Variants in FAT3 observed in about 807,000 individuals in gnomAD.
The protein encoded by FAT3 is FAT atypical cadherin 3, also known as protocadherin Fat 3.
In FAT3, 95 loss-of-function variants were observed where a neutral mutation model predicts 310.2. The observed-to-expected ratio is 0.31, with a 90% confidence interval of 0.26 to 0.36. The LOEUF (loss-of-function observed/expected upper bound fraction) is 0.36, where lower values mean the gene tolerates loss of function less well. Ranked by LOEUF, FAT3 falls within the 10% of genes least tolerant of loss-of-function variation. The pLI, the probability that FAT3 is intolerant of heterozygous loss-of-function variation, is 1.00. For missense variants in FAT3, 5,408 were observed against 5,715.6 expected, an observed-to-expected ratio of 0.95 and a Z score of 1.74; for synonymous variants, 2,314 against 2,192.9, an observed-to-expected ratio of 1.06 and a Z score of -1.54.
At chr11:92,550,871 A>C (rs746477694) in intron 3 of FAT3, among the ~76,000 whole-genome samples, 1 of 151,150 alleles carries the variant, frequency 6.6e-6, no homozygotes, top group Non-Finnish European at 1.5e-5. Flanking sequence ...TGGGTCTTTA[A>C]AGTGCTTAGC....
intron 2 of FAT3, among the ~76,000 whole-genome samples, chr11:92,393,276 G>T (rs893473031): frequency 3.3e-5 from 5 of 152,054 alleles, no homozygotes; most frequent in African/African-American, 1.2e-4. Flanking sequence ...ACTCATGTGT[G>T]TCTCTCTGGG....
At chr11:92,849,368 A>AT (rs1948760845) in intron 19 of FAT3, among the ~76,000 whole-genome samples, 1 of 152,204 alleles carries the variant, frequency 6.6e-6, no homozygotes, top group Admixed American at 6.5e-5. Flanking sequence ...CAGTACTGGG[A>AT]GCTCACAAGG....
chr11:92,687,866 C>T (rs973768863), intron 3 of FAT3, among the ~76,000 whole-genome samples: 3 of 151,916 alleles, frequency 2.0e-5, no homozygotes, highest in East Asian at 2.0e-4. Flanking sequence ...GGCAGGGCTT[C>T]CTGTCTTCCT....
At chr11:92,266,846 C>G (rs949971140) in intron 1 of FAT3, among the ~76,000 whole-genome samples, 1 of 152,142 alleles carries the variant, frequency 6.6e-6, no homozygotes, top group Non-Finnish European at 1.5e-5. Flanking sequence ...CTGATTTCAC[C>G]TGATGATCTT....
intron 1 of FAT3, among the ~76,000 whole-genome samples, chr11:92,231,465 CTTTCT>C (rs1338808812): frequency 2.6e-5 from 4 of 152,116 alleles, no homozygotes; most frequent in Admixed American, 6.6e-5. Context: ...TTAATTCTTT[CTTTCT>C]TTTCTTTTTT....
At chr11:92,782,982 G>C (rs1381892775) in intron 7 of FAT3, among the ~76,000 whole-genome samples, 6 of 152,194 alleles carry the variant, frequency 3.9e-5, no homozygotes, top group Non-Finnish European at 8.8e-5. Flanking sequence ...TGATTCACTA[G>C]AACAACAGAC....
intron 3 of FAT3, among the ~76,000 whole-genome samples, chr11:92,569,534 A>C (rs1266547402): frequency 1.3e-5 from 2 of 152,102 alleles, no homozygotes; most frequent in Non-Finnish European, 2.9e-5. Context: ...CAAAAACACT[A>C]TTGCCTCAGT....
intron 1 of FAT3, among the ~76,000 whole-genome samples, chr11:92,294,970 TA>T (rs1248929352): frequency 6.6e-6 from 1 of 152,110 alleles, no homozygotes; most frequent in African/African-American, 2.4e-5. Context: ...TTGCTTACTT[TA>T]TTCACTGGCC....
Position 92,886,992 on chromosome 11 carries a change from C to G in FAT3, c.12938-8C>G. ...TAATTTCTGCTTTCTCTTTCACTGT[C>G]CATGAAGACAAAGGGGTTGATGACC... On this transcript the variant is annotated splice_polypyrimidine_tract_variant and splice_region_variant and intron_variant, in intron 24 of 27. Coordinates refer to ENST00000525166, the MANE Select transcript of FAT3 (RefSeq NM_001367949.2). 3 of 1,590,642 alleles carry G rather than the reference C, an allele frequency of 1.9e-6. No individual in the cohort carries two copies. Among genetic ancestry groups the G allele is most frequent in the Non-Finnish European group, 2.6e-6 (3 of 1,167,376 alleles).
chr11:92,725,731 C>A (rs1944979616), intron 4 of FAT3, among the ~76,000 whole-genome samples: 3 of 152,234 alleles, frequency 2.0e-5, no homozygotes, highest in Admixed American at 6.5e-5. Flanking sequence ...ATACTAACAT[C>A]AGCTGATAAA....
chr11:92,232,362 A>G (rs1449453074), intron 1 of FAT3, among the ~76,000 whole-genome samples: 2 of 152,220 alleles, frequency 1.3e-5, no homozygotes, highest in South Asian at 2.1e-4. Context: ...CCTATCTGAT[A>G]GGACTGTAAA....
intron 4 of FAT3, among the ~76,000 whole-genome samples, chr11:92,746,633 C>T (rs976180631): frequency 1.3e-5 from 2 of 152,070 alleles, no homozygotes; most frequent in Non-Finnish European, 2.9e-5. Flanking sequence ...GTCCACAGTC[C>T]AAAGTCTCAT....
intron 22 of FAT3, among the ~76,000 whole-genome samples, chr11:92,869,829 G>C (rs1478162145): frequency 6.6e-6 from 1 of 152,156 alleles, no homozygotes; most frequent in Non-Finnish European, 1.5e-5. Flanking sequence ...ATGCCTTCAA[G>C]AATTCCCTCT....
chr11:92,266,801 T>G (rs1945969264), intron 1 of FAT3, among the ~76,000 whole-genome samples: 1 of 152,172 alleles, frequency 6.6e-6, no homozygotes, highest in Non-Finnish European at 1.5e-5. Flanking sequence ...GAAATGCCAT[T>G]AGAAAATCTA....
At chr11:92,572,118 A>T (rs1278331209) in intron 3 of FAT3, among the ~76,000 whole-genome samples, 1 of 152,202 alleles carries the variant, frequency 6.6e-6, no homozygotes, top group Non-Finnish European at 1.5e-5. Flanking sequence ...TGTGAAAAAG[A>T]CATGGCCCCT....
intron 3 of FAT3, among the ~76,000 whole-genome samples, chr11:92,553,669 C>G (rs934114540): frequency 9.6e-5 from 13 of 135,238 alleles, no homozygotes; most frequent in Non-Finnish European, 3.2e-5. Context: ...ATTCTAGAAT[C>G]TCCGTCCCTT....
chr11:92,370,609 CA>C (rs1197499865), intron 2 of FAT3, among the ~76,000 whole-genome samples: 1 of 152,080 alleles, frequency 6.6e-6, no homozygotes, highest in Non-Finnish European at 1.5e-5. Flanking sequence ...ATTGGATAAC[CA>C]TTTTATACAA....
At position 92,333,080 on chromosome 11, in the gene FAT3, A is replaced by G. The variant is rs558099798; in HGVS notation, c.-17-19016A>G. On this transcript the variant is annotated intron_variant, in intron 1 of 27. Transcript: ENST00000525166. ...TAATTGATGGCTCCAAGGTCAAGCC[A>G]AGAACCCAAGCACCATATTTTTATG... Among the ~76,000 whole-genome samples the G allele has an allele frequency of 3.3e-5, 5 of 152,320 alleles. No individual in the cohort carries two copies. In the East Asian group the frequency reaches 9.7e-4, roughly 29 times the overall value.
chr11:92,707,852 T>C (rs1326817101), intron 4 of FAT3, among the ~76,000 whole-genome samples: 1 of 152,220 alleles, frequency 6.6e-6, no homozygotes, highest in Non-Finnish European at 1.5e-5. Flanking sequence ...GGACTTCATA[T>C]CTGTCTGTGG....
Sources: gnomAD v4.1 joint callset for allele counts (sites outside exome capture counted in the v4.1 genomes callset) on GRCh38, gnomAD v4.1.1 for gene constraint, MANE v1.5 for transcripts, NCBI Gene and HGNC (gene_info 2026-07-23, HGNC 2026-07-21) for gene names.